PRKCA: variants seen among roughly 807,000 people sequenced by gnomAD.
PRKCA encodes the protein protein kinase C alpha.
In PRKCA, 27 loss-of-function variants were observed where a neutral mutation model predicts 87.0. The ratio of observed to expected loss-of-function variants is 0.31; its 90% confidence interval spans 0.23 to 0.43. The LOEUF (loss-of-function observed/expected upper bound fraction) is 0.43. PRKCA is among the 20% of genes least tolerant of loss of function. The pLI is 1.00. For synonymous variants in PRKCA, 329 were observed against 311.1 expected (o/e 1.06, Z -0.61); for missense variants, 518 against 852.3 (o/e 0.61, Z 4.88).
At chr17:66,551,649 A>G (rs570822319) in intron 3 of PRKCA, among the ~76,000 whole-genome samples, 79 of 152,226 alleles carry the variant, frequency 5.2e-4, no homozygotes, top group Non-Finnish European at 9.1e-4. Flanking sequence ...CAAGGGGGGG[A>G]TATTGTTTGA....
chr17:66,387,799 G>A (rs546898448), intron 2 of PRKCA, among the ~76,000 whole-genome samples: 17 of 152,322 alleles, frequency 1.1e-4, no homozygotes, highest in East Asian at 1.9e-4. Context: ...GAGGTGGACC[G>A]GAAGCCGGAG....
chr17:66,304,638 A>T (rs1218427726), intron 1 of PRKCA, among the ~76,000 whole-genome samples: 1 of 152,228 alleles, frequency 6.6e-6, no homozygotes, highest in Non-Finnish European at 1.5e-5. Context: ...GGGGAAAAAC[A>T]TCCCAAAGGG....
Position 66,496,287 on chromosome 17 carries a change from A to C in PRKCA, c.288+4A>C, listed in dbSNP as rs1264603897. 2 of 1,608,216 alleles carry C rather than the reference A, an allele frequency of 1.2e-6. No individual in the cohort carries two copies. Among genetic ancestry groups the C allele is most frequent in the Non-Finnish European group, 1.7e-6 (2 of 1,175,114 alleles). On this transcript the variant is annotated splice_donor_region_variant and intron_variant, in intron 3 of 16. Transcript: ENST00000413366. ...GGATAAGGGACCCGACACTGATGTA[A>C]GTAGTCCTGAAATCATGATTTGATG...
chr17:66,554,493 AC>A (rs1160036671), intron 3 of PRKCA: 1 of 914,406 alleles, frequency 1.1e-6, no homozygotes, highest in Non-Finnish European at 1.3e-6. Context: ...TCCCGTGACT[AC>A]TCACATCATT....
chr17:66,470,882 T>TAGC (rs1166073184), intron 2 of PRKCA, among the ~76,000 whole-genome samples: 1 of 152,210 alleles, frequency 6.6e-6, no homozygotes, highest in Non-Finnish European at 1.5e-5. Context: ...AGACGACAAC[T>TAGC]AGCATCTCCA....
chr17:66,728,637 A>G (rs552400320), intron 8 of PRKCA, among the ~76,000 whole-genome samples: 17 of 152,328 alleles, frequency 1.1e-4, no homozygotes, highest in African/African-American at 3.8e-4. Flanking sequence ...CCAGACTAAT[A>G]TGATAACATG....
Position 66,563,027 on chromosome 17 carries a change from A to T in PRKCA, c.288+66744A>T, listed in dbSNP as rs116404182. ...ATTTCATCCTGTTAGCTTTTTTTTTAAAAAGATATTTTTTAGAGCCATTGT... is the reference window on the plus strand; with the variant it reads ...ATTTCATCCTGTTAGCTTTTTTTTTTAAAAGATATTTTTTAGAGCCATTGT... On this transcript the variant is annotated intron_variant, in intron 3 of 16. Coordinates refer to ENST00000413366, the MANE Select transcript of PRKCA (RefSeq NM_002737.3). Among the ~76,000 whole-genome samples the T allele has an allele frequency of 6.0e-3, 910 of 151,612 alleles. 12 individuals are homozygous for T. The highest frequency in any genetic ancestry group is 0.018 in the African/African-American group (759 of 41,284).
At position 66,586,093 on chromosome 17, in the gene PRKCA, G is replaced by A. The variant is rs143660696; in HGVS notation, c.289-55262G>A. Among the ~76,000 whole-genome samples, 211 of 152,260 alleles carry A rather than the reference G, an allele frequency of 1.4e-3. 1 individual carries two copies. Among genetic ancestry groups the A allele is most frequent in the East Asian group, 7.7e-4 (4 of 5,180 alleles). The stretch of plus-strand genomic sequence containing the variant: ...ATATAAAGAGTCTTGGCAGTGCCTG[G>A]TGCGGCAAAGGGACCTATATCTGTG... On this transcript the variant is annotated intron_variant, in intron 3 of 16. Transcript: ENST00000413366.
At chr17:66,754,373 A>G (rs958239603) in intron 13 of PRKCA, among the ~76,000 whole-genome samples, 7 of 152,102 alleles carry the variant, frequency 4.6e-5, no homozygotes, top group Non-Finnish European at 1.0e-4. Flanking sequence ...AGCGGGCACC[A>G]TGTGCGACAG....
intron 3 of PRKCA, among the ~76,000 whole-genome samples, chr17:66,625,264 A>G (rs1438955016): frequency 2.0e-5 from 3 of 152,260 alleles, no homozygotes; most frequent in Admixed American, 6.5e-5. Context: ...TGCATGTAGC[A>G]TAGAAACTGA....
intron 13 of PRKCA, among the ~76,000 whole-genome samples, chr17:66,764,212 A>G (rs900761382): frequency 1.3e-5 from 2 of 152,236 alleles, no homozygotes; most frequent in Non-Finnish European, 2.9e-5. Flanking sequence ...CTCTCGGCAC[A>G]TGCCTACTGT....
chr17:66,796,126 C>G (rs1284049460), intron 16 of PRKCA, among the ~76,000 whole-genome samples: 1 of 152,190 alleles, frequency 6.6e-6, no homozygotes, highest in East Asian at 1.9e-4. Context: ...AACATGCTCT[C>G]TCTATATGGT....
At chr17:66,717,991 G>A (rs185744654) in intron 8 of PRKCA, among the ~76,000 whole-genome samples, 34 of 152,302 alleles carry the variant, frequency 2.2e-4, no homozygotes, top group Non-Finnish European at 1.2e-4. Context: ...CTTACAGATC[G>A]GATTGTGCAA....
chr17:66,729,857 C>G (rs1973845166), intron 8 of PRKCA, among the ~76,000 whole-genome samples: 1 of 146,728 alleles, frequency 6.8e-6, no homozygotes. Context: ...ACAATCTCAC[C>G]CACTGCTGCC....
intron 3 of PRKCA, among the ~76,000 whole-genome samples, chr17:66,567,352 G>C (rs997671094): frequency 2.0e-5 from 3 of 152,160 alleles, no homozygotes; most frequent in Non-Finnish European, 4.4e-5. Context: ...TTTGTAGCTG[G>C]AGAGAGCCTC....
At chr17:66,698,986 GA>G (rs58715321) in intron 8 of PRKCA, among the ~76,000 whole-genome samples, 10,378 of 147,290 alleles carry the variant, frequency 0.07, 389 homozygotes, top group South Asian at 0.14. Context: ...TTAAAAAAAA[GA>G]AAAAAAAAAT....
In PRKCA at chr17:66,697,104, G is replaced by A. The variant is rs546390888; in HGVS notation, c.918+8057G>A. Among the ~76,000 whole-genome samples the A allele has an allele frequency of 7.2e-5, 11 of 152,250 alleles. No individual in the cohort carries two copies. The East Asian group carries it at 1.2e-3, about 16-fold the overall frequency. On this transcript the variant is annotated intron_variant, in intron 8 of 16. Coordinates refer to ENST00000413366, the MANE Select transcript of PRKCA (RefSeq NM_002737.3). ...GTCGAGAAAGCCTTGGAAATTCTTC[G>A]ACCCATTAGACAAGTCAGCCCAGAG...
intron 2 of PRKCA, among the ~76,000 whole-genome samples, chr17:66,311,978 TTTATA>T (rs1353431106): frequency 6.6e-6 from 1 of 152,156 alleles, no homozygotes; most frequent in East Asian, 1.9e-4. Context: ...TTTCCTTTTC[TTTATA>T]TTATTTTATT....
At chr17:66,447,399 T>C (rs1914088489) in intron 2 of PRKCA, among the ~76,000 whole-genome samples, 1 of 152,162 alleles carries the variant, frequency 6.6e-6, no homozygotes, top group Non-Finnish European at 1.5e-5. Flanking sequence ...CTTGTGCAGC[T>C]GACACCTTCT....
Sources: allele counts gnomAD v4.1 joint callset (sites outside exome capture counted in the v4.1 genomes callset), GRCh38; gene constraint gnomAD v4.1.1; transcripts MANE v1.5; gene names NCBI Gene and HGNC (gene_info 2026-07-23, HGNC 2026-07-21).